RHOG: variants seen among roughly 807,000 people sequenced by gnomAD.
RHOG encodes rho-related GTP-binding protein RhoG.
RHOG carries 1 observed loss-of-function variant against 12.3 expected under a neutral mutation model. The observed-to-expected ratio is 0.08, with a 90% confidence interval of 0.03 to 0.39. RHOG has a LOEUF of 0.39. RHOG is among the 10% of genes least tolerant of loss of function. The pLI is 0.99. For missense variants in RHOG, 114 were observed against 266.2 expected (o/e 0.43, Z 3.98); for synonymous variants, 129 against 116.0 (o/e 1.11, Z -0.72).
chr11:3,833,533 G>T (rs956670977), intron 1 of RHOG, among the ~76,000 whole-genome samples: 3 of 152,112 alleles, frequency 2.0e-5, no homozygotes, highest in Non-Finnish European at 4.4e-5. Context: ...ATTTGATAAG[G>T]GATATTAGAG....
chr11:3,829,935 C>T (rs1214279498), intron 1 of RHOG, among the ~76,000 whole-genome samples: 4 of 152,058 alleles, frequency 2.6e-5, no homozygotes, highest in Non-Finnish European at 4.4e-5. Flanking sequence ...TTAGTAGAGA[C>T]GGGGTTTCAC....
chr11:3,839,775 T>C (rs1375297264), intron 1 of RHOG, among the ~76,000 whole-genome samples: 2 of 151,920 alleles, frequency 1.3e-5, no homozygotes, highest in Non-Finnish European at 2.9e-5. Context: ...GAGGGAAGGA[T>C]ACAGAGAGGG....
At chr11:3,839,602 A>AACACACACACAAACAC (rs1554948262) in intron 1 of RHOG, among the ~76,000 whole-genome samples, 152 of 141,698 alleles carry the variant, frequency 1.1e-3, no homozygotes, top group African/African-American at 3.9e-3. Context: ...CACACACGCA[A>AACACACACACAAACAC]ACACACACAC....
intron 1 of RHOG, among the ~76,000 whole-genome samples, chr11:3,837,074 G>T (rs1290735487): frequency 1.3e-5 from 2 of 151,994 alleles, no homozygotes; most frequent in African/African-American, 4.8e-5. Flanking sequence ...CCCACCAAAG[G>T]CCTGTGAAGT....
chr11:3,837,940 C>G (rs942200080), intron 1 of RHOG: 1 of 152,546 alleles, frequency 6.6e-6, no homozygotes, highest in Non-Finnish European at 1.5e-5. Flanking sequence ...CCTCTGGCCT[C>G]TAGCTCCTGG....
In RHOG at chr11:3,838,350, C is replaced by G. The variant is rs2090168710; in HGVS notation, c.-69+2544G>C. ...GGCCAGATCTCACCTGGGAGAATCC[C>G]TGTCTCACCCATCTTGTCTTTACCA... is the stretch of plus-strand genomic sequence containing the variant. On this transcript the variant is annotated intron_variant, in intron 1 of 1. Transcript: ENST00000351018. Among the ~76,000 whole-genome samples the G allele has an allele frequency of 1.3e-5, 2 of 152,350 alleles. 1 individual carries two copies. Among genetic ancestry groups the G allele is most frequent in the South Asian group, 4.1e-4 (2 of 4,830 alleles).
chr11:3,828,548 T>G (rs1257255039), intron 1 of RHOG, among the ~76,000 whole-genome samples: 2 of 152,008 alleles, frequency 1.3e-5, no homozygotes, highest in African/African-American at 4.8e-5. Context: ...AATATCTACC[T>G]CACTGGGTCA....
chr11:3,832,565 C>T lies in RHOG; in HGVS notation c.-68-4359G>A, dbSNP rs554853337. 1.0e-3 allele frequency among the ~76,000 whole-genome samples: 158 copies of T among 152,308 alleles called. 1 individual carries two copies. Among genetic ancestry groups the T allele is most frequent in the Non-Finnish European group, 1.8e-3 (125 of 68,018 alleles). On this transcript the variant is annotated intron_variant, in intron 1 of 1. Transcript: ENST00000351018. Reference sequence around the variant, plus strand: ...ACTTTGTAAACTGAAGTGCTGTACACACAGGAGGTGACAGGAGCAAAGCCT... The same window carrying T: ...ACTTTGTAAACTGAAGTGCTGTACATACAGGAGGTGACAGGAGCAAAGCCT...
chr11:3,839,366 C>G (rs1357343841), intron 1 of RHOG, among the ~76,000 whole-genome samples: 1 of 152,120 alleles, frequency 6.6e-6, no homozygotes, highest in Non-Finnish European at 1.5e-5. Context: ...ACCACAACCT[C>G]ACTCACTGCA....
At chr11:3,833,308 C>T (rs543914020) in intron 1 of RHOG, among the ~76,000 whole-genome samples, 2 of 152,176 alleles carry the variant, frequency 1.3e-5, no homozygotes, top group South Asian at 2.1e-4. Context: ...TTTGTAGAGA[C>T]AGGGTCTTGC....
chr11:3,828,687 C>G (rs574939681), intron 1 of RHOG, among the ~76,000 whole-genome samples: 216 of 144,686 alleles, frequency 1.5e-3, no homozygotes, highest in African/African-American at 5.0e-3. Flanking sequence ...GCAGTGGCGT[C>G]ATCTCGGCTT....
chr11:3,828,894 A>T (rs2090109302), intron 1 of RHOG, among the ~76,000 whole-genome samples: 1 of 151,846 alleles, frequency 6.6e-6, no homozygotes, highest in Non-Finnish European at 1.5e-5. Flanking sequence ...TGCTGGGATT[A>T]CAGGCGTGAG....
At chr11:3,832,197 C>T (rs2090133666) in intron 1 of RHOG, among the ~76,000 whole-genome samples, 1 of 152,202 alleles carries the variant, frequency 6.6e-6, no homozygotes, top group African/African-American at 2.4e-5. Flanking sequence ...TTATAGGTCA[C>T]ATGTTATTAT....
intron 1 of RHOG, chr11:3,830,637 C>T (rs919459547): frequency 7.0e-6 from 1 of 143,466 alleles, no homozygotes; most frequent in South Asian, 2.3e-4. Context: ...GCCTGTGCGA[C>T]AGAGCAAGAC....
At chr11:3,838,079 AC>A in intron 1 of RHOG, among the ~76,000 whole-genome samples, 1 of 152,240 alleles carries the variant, frequency 6.6e-6, no homozygotes, top group South Asian at 2.1e-4. Flanking sequence ...CTTGTCACGG[AC>A]CCCTACTGAC....
intron 1 of RHOG, among the ~76,000 whole-genome samples, chr11:3,830,268 T>C (rs1565082709): frequency 6.6e-6 from 1 of 152,216 alleles, no homozygotes; most frequent in Non-Finnish European, 1.5e-5. Flanking sequence ...CAACTAGTTA[T>C]ATGTGATCTT....
intron 1 of RHOG, among the ~76,000 whole-genome samples, chr11:3,829,123 T>C (rs1590474676): frequency 6.6e-6 from 1 of 151,950 alleles, no homozygotes; most frequent in South Asian, 2.1e-4. Context: ...CCCTGCCCTC[T>C]CCAAACCTGG....
intron 1 of RHOG, among the ~76,000 whole-genome samples, chr11:3,834,725 T>C (rs1037068469): frequency 6.6e-6 from 1 of 152,124 alleles, no homozygotes; most frequent in Admixed American, 6.5e-5. Context: ...GGAAGCAGCC[T>C]GATTGCCAGA....
At chr11:3,830,171 G>A (rs550072250) in intron 1 of RHOG, among the ~76,000 whole-genome samples, 1 of 152,266 alleles carries the variant, frequency 6.6e-6, no homozygotes, top group South Asian at 2.1e-4. Flanking sequence ...AGATTTTAGA[G>A]ACTTCCAGAC....
Sources: gnomAD v4.1 joint callset for allele counts (sites outside exome capture counted in the v4.1 genomes callset) on GRCh38, gnomAD v4.1.1 for gene constraint, MANE v1.5 for transcripts, NCBI Gene and HGNC (gene_info 2026-07-23, HGNC 2026-07-21) for gene names.